The following AP3B1 variants were observed in gnomAD, a reference collection of about 807,000 sequenced individuals.
The protein encoded by AP3B1 is adaptor related protein complex 3 subunit beta 1.
Under a neutral mutation model 132.5 loss-of-function variants are expected in AP3B1, and 61 were observed. The observed-to-expected ratio is 0.46, with a 90% CI of 0.37 to 0.57. AP3B1 has a LOEUF of 0.57. AP3B1 is among the 20% of genes least tolerant of loss of function. The pLI, the probability that AP3B1 is intolerant of heterozygous loss-of-function variation, is 0.00. For synonymous variants in AP3B1, 388 were observed against 438.3 expected, an observed-to-expected ratio of 0.89 and a Z score of 1.43; for missense variants, 1,120 against 1,289.4, an observed-to-expected ratio of 0.87 and a Z score of 2.01.
chr5:78,218,003 T>G (rs1257006389), intron 6 of AP3B1, among the ~76,000 whole-genome samples: 1 of 151,992 alleles, frequency 6.6e-6, no homozygotes, highest in Non-Finnish European at 1.5e-5. Flanking sequence ...ACACAATAAT[T>G]CTAAAGTACT....
rs557530083 is a variant in AP3B1, at chr5:78,124,961, C to T, written c.1968+3069G>A. Among the ~76,000 whole-genome samples, 27 of 151,750 alleles carry T rather than the reference C, an allele frequency of 1.8e-4. 2 individuals are homozygous for T. The South Asian group carries it at 5.0e-3, about 28-fold the overall frequency. The stretch of plus-strand genomic sequence containing the variant: ...GTTTCAGGTTTTAAAAGGCCAAAGA[C>T]GAACAATAAAAGTATCTTAATTTGT... On this transcript the variant is annotated intron_variant, in intron 17 of 26. Transcript: ENST00000255194.
At chr5:78,211,154 AT>A (rs1745720035) in intron 7 of AP3B1, among the ~76,000 whole-genome samples, 1 of 152,094 alleles carries the variant, frequency 6.6e-6, no homozygotes, top group Admixed American at 6.6e-5. Context: ...ATACGCCGTT[AT>A]TTTCTATAGT....
At chr5:78,172,225 G>C (rs1030748680) in intron 11 of AP3B1, among the ~76,000 whole-genome samples, 9 of 152,126 alleles carry the variant, frequency 5.9e-5, no homozygotes, top group Non-Finnish European at 1.2e-4. Flanking sequence ...TCTCTGCCAG[G>C]CTTTAGTATC....
intron 25 of AP3B1, among the ~76,000 whole-genome samples, chr5:78,018,488 AC>A (rs11348710): frequency 0.17 from 26,582 of 151,944 alleles, 2,921 homozygotes; most frequent in Admixed American, 0.28. Flanking sequence ...CTTTTCAGTT[AC>A]GTATATCTTT....
At chr5:78,068,324 A>AAAGAAG (rs991465661) in intron 22 of AP3B1, among the ~76,000 whole-genome samples, 2 of 151,824 alleles carry the variant, frequency 1.3e-5, no homozygotes, top group Non-Finnish European at 2.9e-5. Context: ...ATTCCATCTA[A>AAAGAAG]AAGAAGAAGA....
intron 7 of AP3B1, among the ~76,000 whole-genome samples, chr5:78,203,241 T>C (rs1580480773): frequency 6.6e-6 from 1 of 152,166 alleles, no homozygotes; most frequent in Non-Finnish European, 1.5e-5. Context: ...TACCCAAGAC[T>C]GGATAATTTA....
chr5:78,160,649 A>C (rs1202215644), intron 13 of AP3B1, among the ~76,000 whole-genome samples: 1 of 152,124 alleles, frequency 6.6e-6, no homozygotes, highest in Non-Finnish European at 1.5e-5. Flanking sequence ...AAATAATTAC[A>C]GATTCCTAGA....
At chr5:78,202,061 G>T in intron 7 of AP3B1, among the ~76,000 whole-genome samples, 1 of 152,054 alleles carries the variant, frequency 6.6e-6, no homozygotes, top group East Asian at 1.9e-4. Context: ...GAATCATGGG[G>T]GTAAGTCTTT....
intron 22 of AP3B1, among the ~76,000 whole-genome samples, chr5:78,054,162 A>G (rs1318206227): frequency 5.3e-5 from 8 of 152,200 alleles, no homozygotes; most frequent in African/African-American, 1.9e-4. Context: ...GTGAGTTAAG[A>G]TTTCAGAATT....
At chr5:78,084,521 C>CAAA (rs568637894) in intron 22 of AP3B1, among the ~76,000 whole-genome samples, 559 of 43,988 alleles carry the variant, frequency 0.013, 52 homozygotes, top group African/African-American at 0.054. Context: ...CAGACCCTGT[C>CAAA]AAAAAAAAAA....
chr5:78,162,691 T>A (rs1336900664), intron 13 of AP3B1, 128 bp downstream of exon 13: 1 of 965,832 alleles, frequency 1.0e-6, no homozygotes, highest in African/African-American at 1.6e-5. Flanking sequence ...ATGCTACTTA[T>A]TGTGACCATA....
At chr5:78,106,973 G>A (rs189707449) in intron 20 of AP3B1, among the ~76,000 whole-genome samples, 43 of 152,278 alleles carry the variant, frequency 2.8e-4, no homozygotes, top group African/African-American at 9.6e-4. Flanking sequence ...TACCATGGAA[G>A]TAATTAATAT....
intron 14 of AP3B1, among the ~76,000 whole-genome samples, chr5:78,146,397 G>A (rs1175359659): frequency 6.6e-6 from 1 of 152,176 alleles, no homozygotes; most frequent in African/African-American, 2.4e-5. Flanking sequence ...AGATACGTTA[G>A]ATGAGCAGTA....
At chr5:78,126,276 G>A (rs1449464703) in intron 17 of AP3B1, among the ~76,000 whole-genome samples, 3 of 151,698 alleles carry the variant, frequency 2.0e-5, no homozygotes, top group Admixed American at 6.6e-5. Flanking sequence ...AGGCTGAGGC[G>A]GGCAGATCAC....
At chr5:78,172,625 T>C (rs878860566) in intron 11 of AP3B1, among the ~76,000 whole-genome samples, 2 of 152,252 alleles carry the variant, frequency 1.3e-5, no homozygotes, top group Admixed American at 6.5e-5. Flanking sequence ...TTCTTCTCTC[T>C]TTTCTCCATT....
chr5:78,181,234 G>A (rs374793079), intron 8 of AP3B1, among the ~76,000 whole-genome samples: 44 of 152,162 alleles, frequency 2.9e-4, no homozygotes, highest in African/African-American at 1.0e-3. Context: ...AAGTCCAATA[G>A]GCCAAACCAG....
chr5:78,002,283 T>A (rs1048264493), downstream of AP3B1: 8 of 234,090 alleles, frequency 3.4e-5, no homozygotes, highest in African/African-American at 1.8e-4. Context: ...GCATATGAAC[T>A]TCAGGATTAT....
intron 15 of AP3B1, among the ~76,000 whole-genome samples, chr5:78,134,818 C>T (rs1037968923): frequency 6.6e-6 from 1 of 152,234 alleles, no homozygotes; most frequent in South Asian, 2.1e-4. Flanking sequence ...GCTGGGATTA[C>T]AGGCGTGAGC....
chr5:78,100,940 T>C lies in AP3B1; in HGVS notation c.2470+13A>G. On this transcript the variant is annotated intron_variant, in intron 21 of 26. Transcript: ENST00000255194. ...CTAAACACAGAAGAAATATTTTAAATTACAATACTTACAATCATCCAGATC... is the reference window on the plus strand; with the variant it reads ...CTAAACACAGAAGAAATATTTTAAACTACAATACTTACAATCATCCAGATC... 2 of 1,462,034 alleles carry C rather than the reference T, an allele frequency of 1.4e-6. No individual in the cohort carries two copies. The highest frequency in any genetic ancestry group is 1.2e-5 in the South Asian group (1 of 83,230). 90.6% of individuals were successfully genotyped at this position (1,462,034 alleles called of 1,614,324 possible). A position where few individuals can be genotyped will look rare whatever the true frequency, so the allele number is the denominator to read the frequency against.
Sources: allele counts gnomAD v4.1 joint callset (sites outside exome capture counted in the v4.1 genomes callset), GRCh38; gene constraint gnomAD v4.1.1; transcripts MANE v1.5; gene names NCBI Gene and HGNC (gene_info 2026-07-23, HGNC 2026-07-21).